FAM234B: variants seen among roughly 807,000 people sequenced by gnomAD.
FAM234B encodes the protein family with sequence similarity 234 member B, also known as protein FAM234B.
Under a neutral mutation model 69.3 loss-of-function variants are expected in FAM234B, and 33 were observed. The ratio of observed to expected loss-of-function variants is 0.48; its 90% confidence interval spans 0.36 to 0.64. The LOEUF (loss-of-function observed/expected upper bound fraction) is 0.64. Ranked by LOEUF, FAM234B falls within the 30% of genes least tolerant of loss-of-function variation. The pLI is 0.00. For missense variants in FAM234B, 697 were observed against 769.7 expected, an observed-to-expected ratio of 0.91 and a Z score of 1.12; for synonymous variants, 306 against 306.9, an observed-to-expected ratio of 1.00 and a Z score of 0.03.
chr12:13,066,875 C>T, intron 6 of FAM234B, 88 bp downstream of exon 6: 5 of 1,417,432 alleles, frequency 3.5e-6, no homozygotes, highest in Non-Finnish European at 4.8e-6. Flanking sequence ...AGCTCAGGAA[C>T]TCCTGACACC....
chr12:13,073,349 A>T lies in FAM234B; in HGVS notation c.1524+1953A>T, dbSNP rs142403427. The stretch of plus-strand genomic sequence containing the variant: ...ACATAATGTGCATTTCTTCTGCTGT[A>T]GAGAGTTTGAAGACTGACACTCAGG... On this transcript the variant is annotated intron_variant, in intron 10 of 12. Coordinates refer to ENST00000197268, the MANE Select transcript of FAM234B (RefSeq NM_020853.2). 7.9e-5 allele frequency among the ~76,000 whole-genome samples: 12 copies of T among 152,238 alleles called. No homozygotes were observed. The East Asian group carries it at 2.3e-3, about 29-fold the overall frequency.
intron 3 of FAM234B, among the ~76,000 whole-genome samples, chr12:13,061,079 AG>A (rs1267333077): frequency 6.6e-6 from 1 of 152,234 alleles, no homozygotes; most frequent in African/African-American, 2.4e-5. Flanking sequence ...ATTAGAATTC[AG>A]GTATTTTGCT....
In FAM234B at chr12:13,062,667, A is replaced by G. The variant is rs763280009; in HGVS notation, c.722-178A>G. 8.4e-5 allele frequency: 47 copies of G among 558,528 alleles called. No individual in the cohort carries two copies. The South Asian group carries it at 1.1e-3, about 13-fold the overall frequency. The allele number at this position is 558,528 out of a possible 1,614,324, so 34.6% of individuals were successfully genotyped here. A position where few individuals can be genotyped will look rare whatever the true frequency, so the allele number is the denominator to read the frequency against. ...GTTTGCCAGATACTTTAGGATTCGG[A>G]TCACACTGCCTGCTTCCTCCTCCTC... is the stretch of plus-strand genomic sequence containing the variant. On this transcript the variant is annotated intron_variant, in intron 4 of 12. Coordinates refer to ENST00000197268, the MANE Select transcript of FAM234B (RefSeq NM_020853.2).
chr12:13,052,112 G>T (rs966517985), intron 1 of FAM234B, among the ~76,000 whole-genome samples: 29 of 152,146 alleles, frequency 1.9e-4, no homozygotes, highest in African/African-American at 6.8e-4. Context: ...TGATACCTTT[G>T]AGTGTTTGAA....
At chr12:13,068,479 T>C (rs755223738) in intron 8 of FAM234B, 32 bp downstream of exon 8, 2 of 1,609,284 alleles carry the variant, frequency 1.2e-6, no homozygotes, top group Non-Finnish European at 1.7e-6. Context: ...GTGTTTGCTG[T>C]TTTGATCCAC....
chr12:13,071,186 G>A, intron 9 of FAM234B, 55 bp from the exon 10 acceptor site: 1 of 1,592,290 alleles, frequency 6.3e-7, no homozygotes, highest in Non-Finnish European at 8.6e-7. Context: ...CATTTTCTGG[G>A]CCTGCTGCTT....
intron 1 of FAM234B, among the ~76,000 whole-genome samples, chr12:13,048,906 G>C (rs1489447428): frequency 6.6e-6 from 1 of 152,106 alleles, no homozygotes; most frequent in Non-Finnish European, 1.5e-5. Context: ...AGCGAAACAG[G>C]GTTCCCCTTG....
chr12:13,048,922 C>A (rs1864842682), intron 1 of FAM234B, among the ~76,000 whole-genome samples: 1 of 152,188 alleles, frequency 6.6e-6, no homozygotes, highest in African/African-American at 2.4e-5. Context: ...CCTTGTAAAA[C>A]CATCAGATCT....
intron 6 of FAM234B, 160 bp downstream of exon 6, chr12:13,066,947 T>C: frequency 1.1e-6 from 1 of 932,934 alleles, no homozygotes; most frequent in Non-Finnish European, 1.6e-6. Flanking sequence ...CACAGGCTAT[T>C]AACTCTGCCT....
At position 13,055,740 on chromosome 12, in the gene FAM234B, A is replaced by G. The variant is rs1436491405; in HGVS notation, c.227A>G (p.Glu76Gly). 1 of 1,614,106 alleles carries G rather than the reference A, an allele frequency of 6.2e-7. No homozygotes were observed. Among genetic ancestry groups the G allele is most frequent in the African/African-American group, 1.3e-5 (1 of 74,942 alleles). The change falls in exon 2 of 13, where the codon GAA becomes GGA. Residue 76 changes from glutamate to glycine, a missense_variant. Physicochemically the swap from Glu to Gly is moderately conservative, Grantham distance 98 (BLOSUM62 -2). Coordinates refer to ENST00000197268, the MANE Select transcript of FAM234B (RefSeq NM_020853.2). ...GAGGCTGCAAAGCCACATCTTTCAG[A>G]AGTCACCACGGAGGGCTACCCCTCA... ...VAEAAKPHLS[E>G]VTTEGYPSEP...
chr12:13,044,545 C>A lies in FAM234B; in HGVS notation c.37+105C>A. The A allele has an allele frequency of 1.5e-6, 2 of 1,294,854 alleles. No homozygotes were observed. The highest frequency in any genetic ancestry group is 2.2e-6 in the Non-Finnish European group (2 of 924,680). The allele number at this position is 1,294,854 out of a possible 1,614,324, so 80.2% of individuals were successfully genotyped here. ...GGTCGGGCCCTGGCCTCAACCCAGA[C>A]TCAGCTGCAGGCGCCCGGTGCCGAG... On this transcript the variant is annotated intron_variant, in intron 1 of 12. Coordinates refer to ENST00000197268, the MANE Select transcript of FAM234B (RefSeq NM_020853.2). This position sits in a 1 kb window ranked among gnomAD's most constrained non-coding sequence, Gnocchi z 5.6.
intron 9 of FAM234B, among the ~76,000 whole-genome samples, chr12:13,070,172 G>GATATATAT (rs66463903): frequency 1.6e-3 from 220 of 139,682 alleles, no homozygotes; most frequent in African/African-American, 4.3e-3. Context: ...ATTAAAAAAA[G>GATATATAT]ATATATATAT....
Position 13,082,688 on chromosome 12 carries a change from TTTGGCTG to T in FAM234B, c.*2059_*2065del, listed in dbSNP as rs1865250633. The T allele has an allele frequency of 6.6e-6, 1 of 152,170 alleles. No individual in the cohort carries two copies. The highest frequency in any genetic ancestry group is 2.4e-5 in the African/African-American group (1 of 41,432). 9.4% of individuals were successfully genotyped at this position (152,170 alleles called of 1,614,324 possible). On this transcript the variant is annotated 3_prime_UTR_variant, in exon 13 of 13. Coordinates refer to ENST00000197268, the MANE Select transcript of FAM234B (RefSeq NM_020853.2). ...CAAAACTTGGGTGGTGGTCCTGTGG[TTTGGCTG>T]AGCTGTCCGGGCATAACCTGGTTCT...
chr12:13,073,012 C>T (rs1382041478), intron 10 of FAM234B, among the ~76,000 whole-genome samples: 1 of 152,108 alleles, frequency 6.6e-6, no homozygotes, highest in Non-Finnish European at 1.5e-5. Context: ...CAAAATTGCT[C>T]GTTTGATGAG....
rs144411619 is a variant in FAM234B at position 13,050,304 on chromosome 12, T to A, written c.38-5247T>A. ...TTACTCTCCTGTCATTGCTTAGTAATTTTTTTTATGTTAAACTTGTCCTCT... is the reference window on the plus strand; with the variant it reads ...TTACTCTCCTGTCATTGCTTAGTAAATTTTTTTATGTTAAACTTGTCCTCT... On this transcript the variant is annotated intron_variant, in intron 1 of 12. Coordinates refer to ENST00000197268, the MANE Select transcript of FAM234B (RefSeq NM_020853.2). 6.3e-3 allele frequency among the ~76,000 whole-genome samples: 961 copies of A among 152,146 alleles called. 10 individuals carry two copies. The highest frequency in any genetic ancestry group is 0.022 in the African/African-American group (905 of 41,524).
chr12:13,066,842 C>T (rs1175233062), intron 6 of FAM234B, 55 bp downstream of exon 6: 8 of 1,568,720 alleles, frequency 5.1e-6, no homozygotes, highest in Non-Finnish European at 6.1e-6. Context: ...TGTGATGAGG[C>T]CTTCCTTGTG....
chr12:13,073,520 A>G (rs928566966), intron 10 of FAM234B, among the ~76,000 whole-genome samples: 2 of 152,152 alleles, frequency 1.3e-5, no homozygotes, highest in African/African-American at 2.4e-5. Flanking sequence ...CACCTCTTGT[A>G]GTCATTGCTT....
chr12:13,074,024 C>T (rs1183956157), intron 10 of FAM234B, among the ~76,000 whole-genome samples: 1 of 152,192 alleles, frequency 6.6e-6, no homozygotes, highest in East Asian at 1.9e-4. Flanking sequence ...AAATTTGATG[C>T]ATGTTCTTGC....
At chr12:13,059,608 G>A (rs987113656) in intron 3 of FAM234B, among the ~76,000 whole-genome samples, 1 of 152,212 alleles carries the variant, frequency 6.6e-6, no homozygotes, top group Non-Finnish European at 1.5e-5. Context: ...GGATGCCCTA[G>A]TGACTGCTTT....
Sources: gnomAD v4.1 joint callset for allele counts (sites outside exome capture counted in the v4.1 genomes callset) on GRCh38, gnomAD v4.1.1 for gene constraint, Gnocchi (gnomAD v3.1) non-coding constraint, MANE v1.5 for transcripts, NCBI Gene and HGNC (gene_info 2026-07-23, HGNC 2026-07-21) for gene names.